CADPS2: variants seen among roughly 807,000 people sequenced by gnomAD.
CADPS2 encodes the protein calcium-dependent secretion activator 2.
A neutral mutation model predicts 172.5 loss-of-function variants in CADPS2; 93 were observed. The ratio of observed to expected loss-of-function variants is 0.54; its 90% CI spans 0.46 to 0.64. The LOEUF (loss-of-function observed/expected upper bound fraction) is 0.64. Among genes scored for constraint, CADPS2 ranks in the 30% least tolerant of loss-of-function variants. CADPS2 has a pLI of 0.00. For synonymous variants in CADPS2, 546 were observed against 555.2 expected, an observed-to-expected ratio of 0.98 and a Z score of 0.23; for missense variants, 1,420 against 1,565.9, an observed-to-expected ratio of 0.91 and a Z score of 1.57.
intron 8 of CADPS2, among the ~76,000 whole-genome samples, chr7:122,544,326 AT>A (rs930716293): frequency 2.3e-4 from 35 of 152,176 alleles, no homozygotes; most frequent in African/African-American, 6.0e-4. Flanking sequence ...AGCTCCATGC[AT>A]TTGATGTATA....
intron 1 of CADPS2, among the ~76,000 whole-genome samples, chr7:122,788,662 G>A (rs1462826516): frequency 9.2e-5 from 14 of 152,102 alleles, no homozygotes; most frequent in Admixed American, 9.2e-4. Flanking sequence ...TCCTGCCTTC[G>A]TTGGACTATA....
chr7:122,873,987 C>A (rs12674193), intron 1 of CADPS2, among the ~76,000 whole-genome samples: 36,168 of 151,598 alleles, frequency 0.24, 5,502 homozygotes, highest in East Asian at 0.54. Flanking sequence ...TGTTCATATC[C>A]TTCACCCACT....
intron 14 of CADPS2, among the ~76,000 whole-genome samples, chr7:122,459,452 T>C (rs1403591559): frequency 6.6e-6 from 1 of 152,154 alleles, no homozygotes; most frequent in Admixed American, 6.6e-5. Flanking sequence ...GTTGGTTTTT[T>C]AGAAAGCACT....
chr7:122,341,071 CCT>C (rs1410416958), intron 28 of CADPS2, among the ~76,000 whole-genome samples: 2 of 152,116 alleles, frequency 1.3e-5, no homozygotes, highest in Non-Finnish European at 2.9e-5. Context: ...GCAGAGATAT[CCT>C]CTGTTTAAAA....
intron 15 of CADPS2, among the ~76,000 whole-genome samples, chr7:122,447,889 G>A (rs886508787): frequency 1.3e-5 from 2 of 151,658 alleles, no homozygotes; most frequent in Non-Finnish European, 2.9e-5. Context: ...GTTTCCCCCT[G>A]GTTTTGGTAA....
intron 2 of CADPS2, among the ~76,000 whole-genome samples, chr7:122,731,718 G>C (rs1050241231): frequency 3.3e-5 from 5 of 151,444 alleles, no homozygotes; most frequent in Non-Finnish European, 7.4e-5. Flanking sequence ...AAGTGCAGCA[G>C]AATCAAACAA....
At chr7:122,389,866 C>T (rs1385012044) in intron 22 of CADPS2, among the ~76,000 whole-genome samples, 5 of 151,894 alleles carry the variant, frequency 3.3e-5, no homozygotes. Context: ...CCTGCACATT[C>T]TGCACATGTA....
At chr7:122,677,304 A>C (rs1007812524) in intron 2 of CADPS2, among the ~76,000 whole-genome samples, 1 of 152,206 alleles carries the variant, frequency 6.6e-6, no homozygotes, top group Admixed American at 6.5e-5. Context: ...ATCTGAAGAC[A>C]AAGAATTTGC....
At chr7:122,398,766 C>T (rs960489848) in intron 20 of CADPS2, among the ~76,000 whole-genome samples, 1 of 151,134 alleles carries the variant, frequency 6.6e-6, no homozygotes, top group Non-Finnish European at 1.5e-5. Flanking sequence ...CTCTCTCTCC[C>T]GCCGCCCTCC....
chr7:122,673,981 G>A (rs532018280), intron 2 of CADPS2, among the ~76,000 whole-genome samples: 1 of 152,260 alleles, frequency 6.6e-6, no homozygotes, highest in South Asian at 2.1e-4. Flanking sequence ...GAGCGGGGAG[G>A]CGGCTGAGGC....
chr7:122,390,470 T>G (rs537917393), intron 22 of CADPS2, among the ~76,000 whole-genome samples: 20 of 152,138 alleles, frequency 1.3e-4, no homozygotes, highest in African/African-American at 4.3e-4. Context: ...TTTGGAGAAA[T>G]GTAACTATTT....
chr7:122,569,197 A>G (rs571240468), intron 7 of CADPS2, among the ~76,000 whole-genome samples: 2 of 152,294 alleles, frequency 1.3e-5, no homozygotes, highest in South Asian at 4.1e-4. Flanking sequence ...AGGATACAAA[A>G]TCAATGTGCA....
chr7:122,397,227 A>G (rs2045267000), intron 20 of CADPS2, among the ~76,000 whole-genome samples: 1 of 152,202 alleles, frequency 6.6e-6, no homozygotes, highest in South Asian at 2.1e-4. Flanking sequence ...TTTAAAGAAA[A>G]TGAAGATTAC....
intron 1 of CADPS2, among the ~76,000 whole-genome samples, chr7:122,754,319 A>G (rs2093069613): frequency 6.6e-6 from 1 of 152,088 alleles, no homozygotes; most frequent in Admixed American, 6.6e-5. Context: ...TTTATTTGTT[A>G]ACCAAAGTGT....
chr7:122,578,805 CTCTT>C (rs2068403527), intron 7 of CADPS2, among the ~76,000 whole-genome samples: 1 of 152,072 alleles, frequency 6.6e-6, no homozygotes. Context: ...AGTAAACAGA[CTCTT>C]TATGTGAAAT....
At chr7:122,655,743 T>A (rs1302818969) in intron 3 of CADPS2, among the ~76,000 whole-genome samples, 1 of 152,168 alleles carries the variant, frequency 6.6e-6, no homozygotes, top group Non-Finnish European at 1.5e-5. Flanking sequence ...TCTAAACAAT[T>A]TATTTTCATA....
chr7:122,373,034 T>G (rs1585369784), intron 25 of CADPS2, among the ~76,000 whole-genome samples: 1 of 152,232 alleles, frequency 6.6e-6, no homozygotes, highest in Non-Finnish European at 1.5e-5. Flanking sequence ...TTATTCTATG[T>G]TCATTTCATA....
chr7:122,686,629 A>G (rs2083661323), intron 2 of CADPS2, among the ~76,000 whole-genome samples: 2 of 152,200 alleles, frequency 1.3e-5, no homozygotes, highest in Non-Finnish European at 1.5e-5. Context: ...CTGGGGACAG[A>G]AAGTGAATGC....
chr7:122,386,218 A>G (rs2043648886), intron 24 of CADPS2: 3 of 1,017,422 alleles, frequency 2.9e-6, no homozygotes, highest in Admixed American at 6.6e-5. Context: ...ATTTGAAAAG[A>G]TGAAAATAAA....
Sources: gnomAD v4.1 joint callset for allele counts (sites outside exome capture counted in the v4.1 genomes callset) on GRCh38, gnomAD v4.1.1 for gene constraint, MANE v1.5 for transcripts, NCBI Gene and HGNC (gene_info 2026-07-23, HGNC 2026-07-21) for gene names.